PRODH2: variants seen among roughly 807,000 people sequenced by gnomAD.
PRODH2 encodes the protein proline dehydrogenase 2.
PRODH2 carries 49 observed loss-of-function variants against 51.9 expected under a neutral mutation model. That is an observed-to-expected ratio of 0.94 (90% CI 0.75 to 1.20). The LOEUF (loss-of-function observed/expected upper bound fraction) is 1.20, where lower values mean the gene tolerates loss of function less well. PRODH2 is among the 50% of genes most tolerant of loss of function. PRODH2 has a pLI of 0.00. For synonymous variants in PRODH2, 249 were observed against 260.7 expected (o/e 0.96, Z 0.43); for missense variants, 597 against 610.9 (o/e 0.98, Z 0.24).
chr19:35,812,679 C>A lies in PRODH2; in HGVS notation c.127G>T (p.Val43Phe), dbSNP rs1202832156. ...GGGGGCCAGGCACACAGCCGGAGAACCAGCAAGGCCCGTGTCAGCTCTCCT... is the reference window on the plus strand; with the variant it reads ...GGGGGCCAGGCACACAGCCGGAGAAACAGCAAGGCCCGTGTCAGCTCTCCT... The part of the protein sequence containing the change: ...GTGELTRALL[V>F]LRLCAWPPLV... Residue 43 changes from valine (V) to phenylalanine (F), a missense_variant, in exon 1 of 10, where the codon GTT becomes TTT. Val to Phe is a conservative substitution (Grantham distance 50). Coordinates refer to ENST00000653904, the MANE Select transcript of PRODH2 (RefSeq NM_021232.2). 1.9e-6 allele frequency: 3 copies of A among 1,603,478 alleles called. No individual in the cohort carries two copies. Among genetic ancestry groups the A allele is most frequent in the Admixed American group, 1.7e-5 (1 of 59,292 alleles).
Position 35,806,549 on chromosome 19 carries a change from G to T in PRODH2, c.882C>A (p.Ala294=), listed in dbSNP as rs767340667. 6.2e-7 allele frequency: 1 copy of T among 1,614,100 alleles called. No homozygotes were observed. The highest frequency in any genetic ancestry group is 2.2e-5 in the East Asian group (1 of 44,882). Residue 294 remains alanine, a synonymous_variant, in exon 7 of 10, where the codon GCC becomes GCA. Coordinates refer to ENST00000653904, the MANE Select transcript of PRODH2 (RefSeq NM_021232.2). ...CCAGCTTCACTCCGAAGGCCAGGCC[G>T]GCCCTGTGCGCAGCCTCTGCATCCC... ...LGRDAEAAHR[A]GLAFGVKLVR... is the part of the protein sequence containing the mutation.
In PRODH2 at chr19:35,812,148, T is replaced by C; in HGVS notation, c.496A>G (p.Ser166Gly). Reference sequence around the variant, plus strand: ...GCACTCCTTACACAGAGCCGAGTACTGGTCAGCGCCGTCACCTTCAGCTGC... The same window carrying C: ...GCACTCCTTACACAGAGCCGAGTACCGGTCAGCGCCGTCACCTTCAGCTGC... ...LMQLKVTALT[S>G]TRLCKELASW... is the part of the protein sequence containing the mutation. The change falls in exon 3 of 10, where the codon AGT (serine) becomes GGT (glycine). Residue 166 changes from serine to glycine, a missense_variant. Coordinates refer to ENST00000653904, the MANE Select transcript of PRODH2 (RefSeq NM_021232.2). 5 of 1,614,098 alleles carry C rather than the reference T, an allele frequency of 3.1e-6. No individual in the cohort carries two copies. The highest frequency in any genetic ancestry group is 3.4e-6 in the Non-Finnish European group (4 of 1,180,008).
Position 35,804,838 on chromosome 19 carries a change from A to C in PRODH2, c.1001+1592T>G, listed in dbSNP as rs572866090. Among the ~76,000 whole-genome samples the C allele has an allele frequency of 3.9e-5, 6 of 152,312 alleles. No homozygotes were observed. The East Asian group carries it at 1.2e-3, about 29-fold the overall frequency. On this transcript the variant is annotated intron_variant, in intron 7 of 9. Transcript: ENST00000653904. ...GTGGTCTTAGCTACTGGGGAGACTG[A>C]GGTGGGAGGATGGCTTGGGCCTGGG...
intron 4 of PRODH2, among the ~76,000 whole-genome samples, chr19:35,809,979 A>AC (rs1972581382): frequency 3.0e-5 from 4 of 131,500 alleles, no homozygotes; most frequent in Non-Finnish European, 4.8e-5. Context: ...AAAAAAAAAA[A>AC]AAAAAACGCT....
chr19:35,806,443 C>A lies in PRODH2; in HGVS notation c.988G>T (p.Ala330Ser). The part of the protein sequence containing the change: ...MEDPTQPDYE[A>S]TSQSYSRCLE... ...GCCCGGGCCTACCTCTGACTGGTGG[C>A]CTCATAGTCAGGCTGAGTGGGGTCT... The change falls in exon 7 of 10, where the codon GCC becomes TCC. Residue 330 changes from alanine (A) to serine (S), a missense_variant. By Grantham distance (99) the Ala-to-Ser change is moderately conservative. Transcript: ENST00000653904. The A allele has an allele frequency of 6.2e-7, 1 of 1,614,060 alleles. No homozygotes were observed. The highest frequency in any genetic ancestry group is 8.5e-7 in the Non-Finnish European group (1 of 1,180,008).
At position 35,800,133 on chromosome 19, in the gene PRODH2, G is replaced by A. The variant is rs181516181; in HGVS notation, c.1288C>T (p.Arg430Trp). 203 of 1,607,598 alleles carry A rather than the reference G, an allele frequency of 1.3e-4. No homozygotes were observed. The East Asian group carries it at 4.0e-3, about 32-fold the overall frequency. ...CTGCGGGCACCCTGAAGCACGCTCC[G>A]GTTCTCCTGGGCCCTCCGGATCAGG... ...PYLIRRAQENRSVLQGARREQ... is the reference protein window; with the variant it reads ...PYLIRRAQENWSVLQGARREQ... Residue 430 changes from arginine (R) to tryptophan (W), a missense_variant, in exon 10 of 10, where the codon CGG (arginine) becomes TGG (tryptophan). Transcript: ENST00000653904.
In PRODH2 at chr19:35,803,057, C is replaced by G; in HGVS notation, c.1023G>C (p.Leu341=). Residue 341 remains leucine, a synonymous_variant, in exon 8 of 10, where the codon CTG becomes CTC. Coordinates refer to ENST00000653904, the MANE Select transcript of PRODH2 (RefSeq NM_021232.2). The part of the protein sequence containing the change: ...TSQSYSRCLE[L]MLTHVARHGP... ...CATGGCGGGCCACGTGCGTCAGCAT[C>G]AGTTCCAGGCAGCGGCTGTAACTGA... The G allele has an allele frequency of 6.5e-7, 1 of 1,548,580 alleles. No homozygotes were observed.
At chr19:35,805,121 T>C (rs944158937) in intron 7 of PRODH2, among the ~76,000 whole-genome samples, 9 of 152,036 alleles carry the variant, frequency 5.9e-5, no homozygotes, top group Non-Finnish European at 1.0e-4. Flanking sequence ...AGGTTACTTT[T>C]TGGGGTGATG....
At chr19:35,811,409 G>A (rs991735867) in intron 4 of PRODH2, among the ~76,000 whole-genome samples, 1 of 133,720 alleles carries the variant, frequency 7.5e-6, no homozygotes, top group African/African-American at 2.9e-5. Flanking sequence ...AGAGAGAGGA[G>A]GGAGGAGAGA....
chr19:35,812,281 C>A lies in PRODH2; in HGVS notation c.372-9G>T, dbSNP rs1321197232. 2 of 1,613,042 alleles carry A rather than the reference C, an allele frequency of 1.2e-6. No homozygotes were observed. The highest frequency in any genetic ancestry group is 2.2e-5 in the South Asian group (2 of 91,018). On this transcript the variant is annotated splice_polypyrimidine_tract_variant and intron_variant, in intron 2 of 9. Coordinates refer to ENST00000653904, the MANE Select transcript of PRODH2 (RefSeq NM_021232.2). ...CCTCATACCACGCCTCACTGCCCAG[C>A]CAGCAGGTGTCAGGGCCCGAACAGC... is the stretch of plus-strand genomic sequence containing the variant.
At position 35,806,727 on chromosome 19, in the gene PRODH2, CT is replaced by C; in HGVS notation, c.781del (p.Ser261AlafsTer17). The C allele has an allele frequency of 6.2e-7, 1 of 1,613,970 alleles. No individual in the cohort carries two copies. The highest frequency in any genetic ancestry group is 8.5e-7 in the Non-Finnish European group (1 of 1,179,968). Reference protein sequence around the residue: ...LVAALAVRWNSPGEGGPWVWN... With the variant: ...LVAALAVRWNXPGEGGPWVWN... ...CACCCAGGGCCCGCCTTCACCCGGG[CT>C]GTTCCAGCGCACAGCCAGGGCAGCC... On this transcript the variant is annotated frameshift_variant, in exon 6 of 10. Transcript: ENST00000653904. LOFTEE classifies it high-confidence loss of function.
At chr19:35,806,941 G>C in intron 5 of PRODH2, 100 bp downstream of exon 5, 2 of 1,543,882 alleles carry the variant, frequency 1.3e-6, no homozygotes, top group Non-Finnish European at 8.7e-7. Flanking sequence ...GGCTGAGGGA[G>C]GCCCGGAGGT....
At chr19:35,802,124 A>G in intron 9 of PRODH2, 67 bp downstream of exon 9, 1 of 1,461,646 alleles carries the variant, frequency 6.8e-7, no homozygotes, top group Non-Finnish European at 9.6e-7. Flanking sequence ...TGGGAATAGG[A>G]GAAGGGCTCT....
chr19:35,806,273 G>A (rs186658696), intron 7 of PRODH2, among the ~76,000 whole-genome samples, 157 bp downstream of exon 7: 14 of 151,970 alleles, frequency 9.2e-5, no homozygotes, highest in South Asian at 4.2e-4. Flanking sequence ...TTTTAGAGAT[G>A]GGGTCTCCCT....
At chr19:35,810,153 A>T (rs1012551293) in intron 4 of PRODH2, among the ~76,000 whole-genome samples, 2 of 140,176 alleles carry the variant, frequency 1.4e-5, no homozygotes, top group Non-Finnish European at 1.5e-5. Context: ...TTGTAATCCC[A>T]GCTACTCGGG....
At chr19:35,812,105 C>T in intron 3 of PRODH2, 29 bp downstream of exon 3, 1 of 1,613,278 alleles carries the variant, frequency 6.2e-7, no homozygotes, top group Non-Finnish European at 8.5e-7. Context: ...GCCGCGCCCT[C>T]CCCGCACCCC....
At position 35,806,443 on chromosome 19, in the gene PRODH2, CCT is replaced by C; in HGVS notation, c.986_987del (p.Glu329GlyfsTer33). The C allele has an allele frequency of 6.2e-7, 1 of 1,614,060 alleles. No individual in the cohort carries two copies. The highest frequency in any genetic ancestry group is 8.5e-7 in the Non-Finnish European group (1 of 1,180,008). On this transcript the variant is annotated frameshift_variant, in exon 7 of 10. Coordinates refer to ENST00000653904, the MANE Select transcript of PRODH2 (RefSeq NM_021232.2). LOFTEE classifies it high-confidence loss of function. The part of the protein sequence containing the change: ...GMEDPTQPDY[E>X]ATSQSYSRCL... ...GCCCGGGCCTACCTCTGACTGGTGG[CCT>C]CATAGTCAGGCTGAGTGGGGTCTTC...
At chr19:35,809,119 C>CCTTT (rs989256642) in intron 4 of PRODH2, among the ~76,000 whole-genome samples, 7 of 151,044 alleles carry the variant, frequency 4.6e-5, no homozygotes, top group African/African-American at 1.5e-4. Flanking sequence ...TTCCTTCCTT[C>CCTTT]CTTCCTTCCT....
chr19:35,801,016 A>G (rs867527246), intron 9 of PRODH2, among the ~76,000 whole-genome samples: 2 of 152,076 alleles, frequency 1.3e-5, no homozygotes, highest in Non-Finnish European at 2.9e-5. Flanking sequence ...AAAATACAAA[A>G]ATTGGCTGGG....
Sources: allele counts gnomAD v4.1 joint callset (sites outside exome capture counted in the v4.1 genomes callset), GRCh38; gene constraint gnomAD v4.1.1; transcripts MANE v1.5; gene names NCBI Gene and HGNC (gene_info 2026-07-23, HGNC 2026-07-21).